The following SPTAN1 variants were observed in gnomAD, a reference collection of about 807,000 sequenced individuals.
The protein encoded by SPTAN1 is spectrin alpha, non-erythrocytic 1.
In SPTAN1, 61 loss-of-function variants were observed where a neutral mutation model predicts 331.3. That is an observed-to-expected ratio of 0.18 (90% CI 0.15 to 0.23). The LOEUF is 0.23. Among genes scored for constraint, SPTAN1 ranks in the 10% least tolerant of loss-of-function variants. The pLI, the probability that SPTAN1 is intolerant of heterozygous loss-of-function variation, is 1.00. For missense variants in SPTAN1, 2,043 were observed against 3,147.9 expected, an observed-to-expected ratio of 0.65 and a Z score of 8.40; for synonymous variants, 1,153 against 1,173.9, an observed-to-expected ratio of 0.98 and a Z score of 0.36.
In SPTAN1 at chr9:128,577,572, G is replaced by C; in HGVS notation, c.1085+66G>C. The stretch of plus-strand genomic sequence containing the variant: ...TTCTTTTTTGGAAGCAGGAATAGCA[G>C]AGTTAAGGGTCTGTTCTGTGTTCTG... On this transcript the variant is annotated intron_variant, in intron 8 of 56. Coordinates refer to ENST00000372739, the MANE Select transcript of SPTAN1 (RefSeq NM_001130438.3). The surrounding 1 kb of genome is among the most constrained non-coding windows in gnomAD (Gnocchi z 4.2). 6.2e-7 allele frequency: 1 copy of C among 1,600,482 alleles called. No homozygotes were observed. Among genetic ancestry groups the C allele is most frequent in the East Asian group, 2.2e-5 (1 of 44,848 alleles).
intron 25 of SPTAN1, 181 bp downstream of exon 25, chr9:128,598,685 C>A: frequency 1.4e-6 from 1 of 693,822 alleles, no homozygotes; most frequent in South Asian, 1.6e-5. Context: ...ATATCCCTCA[C>A]TTTCACTTGG....
chr9:128,575,440 C>G, intron 5 of SPTAN1, 95 bp downstream of exon 5: 1 of 1,407,452 alleles, frequency 7.1e-7, no homozygotes, highest in Admixed American at 1.8e-5. Flanking sequence ...CCCCTAATTT[C>G]TGAGTGAGCA....
chr9:128,555,262 T>C, intron 1 of SPTAN1: 3 of 978,672 alleles, frequency 3.1e-6, no homozygotes, highest in Admixed American at 5.2e-5. Context: ...TCTGTATTCA[T>C]ATTTTTTAAA....
At chr9:128,628,839 G>T (rs1859206636) in intron 51 of SPTAN1, 2 of 322,322 alleles carry the variant, frequency 6.2e-6, no homozygotes, top group South Asian at 1.6e-4. Context: ...CTGGCCACCT[G>T]ACTCCCCTCC....
At chr9:128,604,533 A>G in intron 29 of SPTAN1, 116 bp downstream of exon 29, 1 of 989,864 alleles carries the variant, frequency 1.0e-6, no homozygotes, top group Non-Finnish European at 1.5e-6. Flanking sequence ...ACTGATGTTT[A>G]TTTGTGACAT....
In SPTAN1 at chr9:128,567,193, G is replaced by A. The variant is rs57777140; in HGVS notation, c.237+216G>A. 4.9e-3 allele frequency among the ~76,000 whole-genome samples: 751 copies of A among 152,296 alleles called. 9 individuals are homozygous for A. The highest frequency in any genetic ancestry group is 0.017 in the African/African-American group (726 of 41,560). On this transcript the variant is annotated intron_variant, in intron 2 of 56. Transcript: ENST00000372739. The stretch of plus-strand genomic sequence containing the variant: ...CTTTTCTGGATGCTTTAAACTGATG[G>A]TTCTCAAACCTCTGCCTTGATACTA...
chr9:128,605,924 G>A (rs557964933), intron 31 of SPTAN1, among the ~76,000 whole-genome samples: 3 of 151,540 alleles, frequency 2.0e-5, no homozygotes, highest in East Asian at 1.9e-4. Context: ...CCTGGGAGGC[G>A]GAGGTTGCAG....
In SPTAN1 at chr9:128,594,697, A is replaced by G. The variant is rs551685155; in HGVS notation, c.3414+324A>G. Among the ~76,000 whole-genome samples the G allele has an allele frequency of 8.0e-5, 12 of 150,626 alleles. No homozygotes were observed. In the East Asian group the frequency reaches 1.6e-3, roughly 20 times the overall value. ...TCCACCCGCCTCAGGCTCCCAAAGT[A>G]CTGGGATTATAGGCATGAGCTTCTG... On this transcript the variant is annotated intron_variant, in intron 24 of 56. Transcript: ENST00000372739.
Position 128,608,927 on chromosome 9 carries a change from C to G in SPTAN1, c.4545C>G (p.Gly1515=), listed in dbSNP as rs776647691. 1 of 1,614,214 alleles carries G rather than the reference C, an allele frequency of 6.2e-7. No individual in the cohort carries two copies. The highest frequency in any genetic ancestry group is 8.5e-7 in the Non-Finnish European group (1 of 1,180,042). The change falls in exon 35 of 57, where the codon GGC becomes GGG. Residue 1515 remains glycine, a synonymous_variant. Transcript: ENST00000372739. ...QAFADQLIAA[G]HYAKGDISSR... is the part of the protein sequence containing the mutation. The stretch of plus-strand genomic sequence containing the variant: ...TTGCCGACCAGCTCATCGCTGCCGG[C>G]CATTATGCCAAGGGAGACATTTCTA...
At chr9:128,624,963 A>G in intron 46 of SPTAN1, 140 bp from the exon 47 acceptor site, 2 of 797,904 alleles carry the variant, frequency 2.5e-6, no homozygotes, top group Non-Finnish European at 4.3e-6. Context: ...GGGGCCTGCT[A>G]ATGTGGGTTC....
chr9:128,579,577 C>G (rs1313154656), intron 9 of SPTAN1, 60 bp from the exon 10 acceptor site: 2 of 1,384,202 alleles, frequency 1.4e-6, no homozygotes, highest in African/African-American at 1.4e-5. Context: ...AATTCAGCAC[C>G]TTGTTTTTAT....
At chr9:128,623,753 C>T (rs1005189664) in intron 45 of SPTAN1, among the ~76,000 whole-genome samples, 28 of 151,256 alleles carry the variant, frequency 1.9e-4, no homozygotes, top group African/African-American at 6.6e-4. Context: ...GGATTACAGG[C>T]GTTAGCCACT....
chr9:128,630,705 T>C, intron 52 of SPTAN1: 1 of 310,356 alleles, frequency 3.2e-6, no homozygotes, highest in Admixed American at 4.4e-5. Flanking sequence ...TTTTTGTTTA[T>C]TTTTAATTAT....
chr9:128,618,987 C>G lies in SPTAN1; in HGVS notation c.5717C>G (p.Thr1906Ser). The change falls in exon 44 of 57, where the codon ACT becomes AGT. Residue 1906 changes from threonine to serine, a missense_variant. By Grantham distance (58) the Thr-to-Ser change is moderately conservative. This residue lies in a region of SPTAN1 where 323 missense variants were observed against 581.1 expected (regional missense o/e 0.56). Coordinates refer to ENST00000372739, the MANE Select transcript of SPTAN1 (RefSeq NM_001130438.3). ...TLVASEDYGD[T>S]LAAIQGLLKK... ...GTGGCCAGCGAAGATTATGGCGACA[C>G]TCTTGCCGCCATCCAGGTGAGACAG... 6.2e-7 allele frequency: 1 copy of G among 1,613,936 alleles called. No individual in the cohort carries two copies. The highest frequency in any genetic ancestry group is 8.5e-7 in the Non-Finnish European group (1 of 1,179,910).
intron 1 of SPTAN1, among the ~76,000 whole-genome samples, chr9:128,558,997 T>G (rs76483781): frequency 1.3e-5 from 2 of 152,242 alleles, no homozygotes; most frequent in Non-Finnish European, 1.5e-5. Context: ...GGGGGGAAAC[T>G]CTCACTAACC....
Position 128,599,945 on chromosome 9 carries a change from G to GA in SPTAN1, c.3544-131dup, listed in dbSNP as rs1398855298. ...TTTGTTACCAGCCAAACTATGGAGG[G>GA]AAAATGCTGTTTTGGTTAATGTATT... On this transcript the variant is annotated intron_variant, in intron 26 of 56. Transcript: ENST00000372739. 15 of 908,276 alleles carry GA rather than the reference G, an allele frequency of 1.7e-5. No homozygotes were observed. The Admixed American group carries it at 2.5e-4, about 15-fold the overall frequency. 56.3% of individuals were successfully genotyped at this position (908,276 alleles called of 1,614,324 possible). A position where few individuals can be genotyped will look rare whatever the true frequency, so the allele number is the denominator to read the frequency against.
intron 3 of SPTAN1, among the ~76,000 whole-genome samples, chr9:128,573,872 A>G (rs1205472646): frequency 6.6e-6 from 1 of 152,066 alleles, no homozygotes; most frequent in Non-Finnish European, 1.5e-5. Context: ...CTCCTGCCTC[A>G]GCCTTCTGAG....
intron 3 of SPTAN1, among the ~76,000 whole-genome samples, chr9:128,573,492 G>A (rs1331450127): frequency 6.6e-6 from 1 of 152,094 alleles, no homozygotes; most frequent in African/African-American, 2.4e-5. Flanking sequence ...TTCTTGTTCT[G>A]TTGCCCAAAG....
chr9:128,630,536 C>CTT (rs982348182), intron 52 of SPTAN1, 161 bp downstream of exon 52: 7 of 651,102 alleles, frequency 1.1e-5, no homozygotes, highest in African/African-American at 5.5e-5. Flanking sequence ...ATCTCTCTCT[C>CTT]TTTTCTTTCT....
Sources: gnomAD v4.1 joint callset for allele counts (sites outside exome capture counted in the v4.1 genomes callset) on GRCh38, gnomAD v4.1.1 for gene constraint, gnomAD v4.1.1 regional missense constraint, Gnocchi (gnomAD v3.1) non-coding constraint, MANE v1.5 for transcripts, NCBI Gene and HGNC (gene_info 2026-07-23, HGNC 2026-07-21) for gene names.